Variants in ANO2 observed in about 807,000 individuals in gnomAD.
ANO2 encodes anoctamin-2.
A neutral mutation model predicts 124.2 loss-of-function variants in ANO2; 101 were observed. The observed-to-expected ratio is 0.81, with a 90% CI of 0.69 to 0.96. The LOEUF (loss-of-function observed/expected upper bound fraction) is 0.96, where lower values mean the gene tolerates loss of function less well. Among genes scored for constraint, ANO2 ranks in the 40% least tolerant of loss-of-function variants. The probability of loss-of-function intolerance (pLI) is 0.00; values close to 1 mark genes in which losing one functional copy is unlikely to be tolerated. For synonymous variants in ANO2, 486 were observed against 482.5 expected (o/e 1.01, Z -0.09); for missense variants, 1,293 against 1,274.5 (o/e 1.01, Z -0.22).
chr12:5,652,500 T>G (rs1263366333), intron 14 of ANO2, among the ~76,000 whole-genome samples: 1 of 152,166 alleles, frequency 6.6e-6, no homozygotes, highest in Non-Finnish European at 1.5e-5. Context: ...TTACCTAATA[T>G]CCATTTCCTG....
At chr12:5,659,658 C>T (rs1947343854) in intron 14 of ANO2, among the ~76,000 whole-genome samples, 1 of 152,234 alleles carries the variant, frequency 6.6e-6, no homozygotes, top group South Asian at 2.1e-4. Context: ...GTTTTCCTAG[C>T]AGACACAGAA....
chr12:5,877,871 G>A (rs556579678), intron 3 of ANO2, among the ~76,000 whole-genome samples: 1 of 152,218 alleles, frequency 6.6e-6, no homozygotes, highest in Admixed American at 6.5e-5. Flanking sequence ...GAATGCCGCC[G>A]CTGATCTGAC....
chr12:5,903,666 T>C (rs1195049725), intron 3 of ANO2, among the ~76,000 whole-genome samples: 1 of 151,692 alleles, frequency 6.6e-6, no homozygotes, highest in Non-Finnish European at 1.5e-5. Flanking sequence ...TGTGTGTGTG[T>C]GTGTGTGTGT....
At chr12:5,599,352 A>G in intron 20 of ANO2, 132 bp downstream of exon 20, 1 of 1,115,256 alleles carries the variant, frequency 9.0e-7, no homozygotes, top group Non-Finnish European at 1.3e-6. Context: ...GGAACACTGA[A>G]TAGCCATGAA....
At chr12:5,667,006 T>C (rs1221140829) in intron 14 of ANO2, among the ~76,000 whole-genome samples, 5 of 152,166 alleles carry the variant, frequency 3.3e-5, no homozygotes, top group African/African-American at 4.8e-5. Context: ...CTTGCATGAG[T>C]GTCCCTGGCT....
chr12:5,743,258 C>T (rs1430777491), intron 12 of ANO2, among the ~76,000 whole-genome samples: 4 of 152,096 alleles, frequency 2.6e-5, no homozygotes, highest in African/African-American at 9.7e-5. Context: ...ATCAAACAGC[C>T]TCTGCAGCAG....
At chr12:5,567,935 A>G (rs1219265919) in intron 23 of ANO2, among the ~76,000 whole-genome samples, 1 of 152,238 alleles carries the variant, frequency 6.6e-6, no homozygotes, top group Non-Finnish European at 1.5e-5. Context: ...AACAGTGAGC[A>G]ATTTAATATT....
At chr12:5,578,293 G>GGT in intron 21 of ANO2, 73 bp downstream of exon 21, 1 of 1,548,262 alleles carries the variant, frequency 6.5e-7, no homozygotes, top group Admixed American at 1.8e-5. Context: ...TTCCTGGTGT[G>GGT]GTGTGACTGT....
intron 19 of ANO2, among the ~76,000 whole-genome samples, chr12:5,600,276 A>T (rs1203058414): frequency 1.3e-5 from 2 of 152,208 alleles, no homozygotes; most frequent in Non-Finnish European, 2.9e-5. Flanking sequence ...TCTCAAGACC[A>T]TCTGAGGACA....
chr12:5,884,371 C>T (rs11063906), intron 3 of ANO2, among the ~76,000 whole-genome samples: 3,745 of 152,326 alleles, frequency 0.025, 137 homozygotes, highest in African/African-American at 0.085. Flanking sequence ...ATGCCAAGCC[C>T]ATAATTTAAA....
At chr12:5,699,251 A>T (rs907937133) in intron 14 of ANO2, among the ~76,000 whole-genome samples, 8 of 152,242 alleles carry the variant, frequency 5.3e-5, no homozygotes, top group African/African-American at 1.7e-4. Flanking sequence ...CTCTCAGCAG[A>T]AACTCTACAA....
At chr12:5,775,663 A>T (rs1295320460) in intron 10 of ANO2, among the ~76,000 whole-genome samples, 1 of 152,060 alleles carries the variant, frequency 6.6e-6, no homozygotes, top group East Asian at 1.9e-4. Flanking sequence ...GGGTTTCACC[A>T]TGTTAGCCAG....
intron 15 of ANO2, among the ~76,000 whole-genome samples, chr12:5,639,030 C>G (rs530326205): frequency 6.6e-6 from 1 of 152,098 alleles, no homozygotes; most frequent in Non-Finnish European, 1.5e-5. Context: ...CCTCCGTTCA[C>G]GAGCTTCTGG....
At chr12:5,793,027 C>T (rs745337156) in intron 10 of ANO2, among the ~76,000 whole-genome samples, 29 of 152,088 alleles carry the variant, frequency 1.9e-4, no homozygotes, top group Admixed American at 9.8e-4. Flanking sequence ...GATATGGAAA[C>T]GCAGAAAGTC....
chr12:5,717,943 A>C (rs556604942), intron 14 of ANO2, among the ~76,000 whole-genome samples: 2 of 152,230 alleles, frequency 1.3e-5, no homozygotes, highest in Non-Finnish European at 2.9e-5. Context: ...CATCTGAAAG[A>C]AGAGCGGACC....
chr12:5,750,071 C>G (rs1053194189), intron 11 of ANO2, among the ~76,000 whole-genome samples: 1 of 152,006 alleles, frequency 6.6e-6, no homozygotes, highest in Non-Finnish European at 1.5e-5. Flanking sequence ...GCTGGGACTA[C>G]AGGTACATGC....
intron 3 of ANO2, among the ~76,000 whole-genome samples, chr12:5,899,170 G>C (rs1001249199): frequency 1.3e-5 from 2 of 152,164 alleles, no homozygotes; most frequent in African/African-American, 4.8e-5. Flanking sequence ...GTCGCCTCTG[G>C]GTGATGCTTC....
chr12:5,598,281 G>A (rs760934774), intron 20 of ANO2, among the ~76,000 whole-genome samples: 1 of 152,168 alleles, frequency 6.6e-6, no homozygotes, highest in Non-Finnish European at 1.5e-5. Flanking sequence ...TAAACATTGA[G>A]TGATTTTTTT....
At chr12:5,842,531 G>A (rs989516185) in intron 4 of ANO2, among the ~76,000 whole-genome samples, 1 of 152,106 alleles carries the variant, frequency 6.6e-6, no homozygotes. Context: ...TGGAGCCTCC[G>A]AATCCATCTC....
Sources: gnomAD v4.1 joint callset for allele counts (sites outside exome capture counted in the v4.1 genomes callset) on GRCh38, gnomAD v4.1.1 for gene constraint, MANE v1.5 for transcripts, NCBI Gene and HGNC (gene_info 2026-07-23, HGNC 2026-07-21) for gene names.